Variants in NAV2 observed in about 807,000 individuals in gnomAD.
The protein encoded by NAV2 is neuron navigator 2.
In NAV2, 54 loss-of-function variants were observed where a neutral mutation model predicts 223.2. The observed-to-expected ratio is 0.24, with a 90% CI of 0.19 to 0.30. The LOEUF is 0.30. Ranked by LOEUF, NAV2 falls within the 10% of genes least tolerant of loss-of-function variation. The probability of loss-of-function intolerance (pLI) is 1.00; values close to 1 mark genes in which losing one functional copy is unlikely to be tolerated. For synonymous variants in NAV2, 1,279 were observed against 1,239.3 expected (o/e 1.03, Z -0.67); for missense variants, 2,806 against 3,147.5 (o/e 0.89, Z 2.60).
intron 1 of NAV2, among the ~76,000 whole-genome samples, chr11:19,391,893 G>A (rs902832238): frequency 6.6e-6 from 1 of 152,118 alleles, no homozygotes; most frequent in African/African-American, 2.4e-5. Flanking sequence ...AGCTCAACTC[G>A]CAGGGATTAA....
At chr11:20,026,801 G>C (rs939782383) in intron 11 of NAV2, among the ~76,000 whole-genome samples, 1 of 152,152 alleles carries the variant, frequency 6.6e-6, no homozygotes, top group Non-Finnish European at 1.5e-5. Context: ...TGTATGACCC[G>C]TGGGACTATT....
chr11:19,824,863 C>T (rs1369415702), intron 1 of NAV2, among the ~76,000 whole-genome samples: 2 of 152,162 alleles, frequency 1.3e-5, no homozygotes, highest in African/African-American at 4.8e-5. Context: ...AAATTGTGAA[C>T]AATTGAATAA....
intron 11 of NAV2, chr11:20,022,942 G>A (rs1490585911): frequency 1.5e-6 from 2 of 1,331,672 alleles, no homozygotes; most frequent in African/African-American, 1.5e-5. Flanking sequence ...TCCTGGCCTG[G>A]GGAATGGTGA....
chr11:19,601,556 C>G (rs2046350646), intron 1 of NAV2, among the ~76,000 whole-genome samples: 2 of 152,142 alleles, frequency 1.3e-5, no homozygotes, highest in South Asian at 4.1e-4. Context: ...TGGTCCCAGA[C>G]ATGGTACCCC....
chr11:20,097,248 G>A (rs1236658681), intron 30 of NAV2, among the ~76,000 whole-genome samples: 6 of 152,148 alleles, frequency 3.9e-5, no homozygotes, highest in Admixed American at 3.9e-4. Context: ...CACAGGCCCT[G>A]ATGTCTTCAA....
At chr11:19,732,325 T>A (rs961055709) in intron 1 of NAV2, among the ~76,000 whole-genome samples, 13 of 152,152 alleles carry the variant, frequency 8.5e-5, no homozygotes, top group African/African-American at 2.9e-4. Context: ...CCATCTCTAC[T>A]GTGTGACCTC....
At chr11:19,824,138 ACT>A (rs1202873955) in intron 1 of NAV2, among the ~76,000 whole-genome samples, 1 of 152,190 alleles carries the variant, frequency 6.6e-6, no homozygotes, top group Non-Finnish European at 1.5e-5. Context: ...TGTGCCAGAC[ACT>A]GTGTTAACCA....
intron 1 of NAV2, among the ~76,000 whole-genome samples, chr11:19,683,053 G>A (rs1051056681): frequency 5.9e-5 from 9 of 152,242 alleles, no homozygotes; most frequent in Non-Finnish European, 7.3e-5. Context: ...CTGGCTAGAA[G>A]TTAGAAGATC....
rs2045631222 is a variant in NAV2, at chr11:19,934,129, C to G, written c.1885C>G (p.Leu629Val). ...SEGKGPGGTT[L>V]NHSISSQTVS... ...AGGAAAAGGCCCAGGAGGGACCACC[C>G]TGAACCACAGCATCAGCAGCCAGAC... The change falls in exon 7 of 38, where the codon CTG becomes GTG. Residue 629 changes from leucine to valine, a missense_variant. Leu to Val is a conservative substitution (Grantham distance 32). Coordinates refer to ENST00000349880, the MANE Select transcript of NAV2 (RefSeq NM_145117.5). 2.5e-6 allele frequency: 4 copies of G among 1,614,048 alleles called. No individual in the cohort carries two copies. Among genetic ancestry groups the G allele is most frequent in the South Asian group, 1.1e-5 (1 of 91,074 alleles).
At chr11:19,771,172 A>T (rs2055689470) in intron 1 of NAV2, among the ~76,000 whole-genome samples, 2 of 152,170 alleles carry the variant, frequency 1.3e-5, no homozygotes, top group South Asian at 4.1e-4. Flanking sequence ...GATGAATAAG[A>T]TAGAGTATCT....
intron 1 of NAV2, among the ~76,000 whole-genome samples, chr11:19,389,502 C>A (rs1439011433): frequency 1.3e-5 from 2 of 152,166 alleles, no homozygotes; most frequent in African/African-American, 4.8e-5. Flanking sequence ...TCCCACTCAC[C>A]AGATTTGTGA....
At chr11:19,528,854 C>T (rs963541371) in intron 1 of NAV2, among the ~76,000 whole-genome samples, 8 of 145,072 alleles carry the variant, frequency 5.5e-5, no homozygotes, top group Non-Finnish European at 8.9e-5. Context: ...CACTTGAACT[C>T]GGGAGGTGGA....
intron 6 of NAV2, among the ~76,000 whole-genome samples, chr11:19,920,111 G>A (rs745922243): frequency 1.2e-4 from 18 of 152,088 alleles, no homozygotes; most frequent in Admixed American, 2.6e-4. Flanking sequence ...TCCATCCTGG[G>A]CAACAGAGCA....
intron 1 of NAV2, among the ~76,000 whole-genome samples, chr11:19,804,132 G>A (rs2058420705): frequency 6.6e-6 from 1 of 152,174 alleles, no homozygotes; most frequent in East Asian, 1.9e-4. Flanking sequence ...ATGTGTGTGT[G>A]TCCTTCAGGT....
In NAV2 at chr11:19,832,544, G is replaced by A. The variant is rs201839529; in HGVS notation, c.328G>A (p.Asp110Asn). The A allele has an allele frequency of 1.1e-5, 17 of 1,614,180 alleles. No individual in the cohort carries two copies. The highest frequency in any genetic ancestry group is 1.4e-5 in the Non-Finnish European group (16 of 1,180,038). Residue 110 changes from aspartate (D) to asparagine (N), a missense_variant, in exon 2 of 38, where the codon GAT (aspartate) becomes AAT (asparagine). Around this residue, in one of 4 missense-constraint regions of NAV2, gnomAD observed 1,167 missense variants for 1,180.5 expected, o/e 0.99. Transcript: ENST00000349880. The part of the protein sequence containing the change: ...AKSGHKRLIR[D>N]LQQDVTDGVL... ...ATCCGGCCACAAGCGTCTCATCAGG[G>A]ATCTCCAGCAAGATGTGACAGATGG...
intron 11 of NAV2, among the ~76,000 whole-genome samples, chr11:20,008,862 A>AT (rs973597216): frequency 7.2e-5 from 11 of 152,060 alleles, no homozygotes; most frequent in African/African-American, 2.7e-4. Flanking sequence ...TGCTGGAAAC[A>AT]TTTTTTATTA....
At chr11:19,636,219 G>A (rs921586921) in intron 1 of NAV2, among the ~76,000 whole-genome samples, 2 of 152,130 alleles carry the variant, frequency 1.3e-5, no homozygotes, top group African/African-American at 4.8e-5. Flanking sequence ...CTCCATATAT[G>A]TTTCTTATGC....
At chr11:19,557,367 G>A (rs779505258) in intron 1 of NAV2, among the ~76,000 whole-genome samples, 4 of 152,178 alleles carry the variant, frequency 2.6e-5, no homozygotes, top group Admixed American at 1.3e-4. Context: ...GGCAATCTAC[G>A]GCTTACGATG....
intron 1 of NAV2, among the ~76,000 whole-genome samples, chr11:19,635,772 A>G (rs1264831927): frequency 6.6e-6 from 1 of 152,176 alleles, no homozygotes; most frequent in African/African-American, 2.4e-5. Context: ...CGTGACCCAA[A>G]CACCTCCCAC....
Sources: gnomAD v4.1 joint callset for allele counts (sites outside exome capture counted in the v4.1 genomes callset) on GRCh38, gnomAD v4.1.1 for gene constraint, gnomAD v4.1.1 regional missense constraint, MANE v1.5 for transcripts, NCBI Gene and HGNC (gene_info 2026-07-23, HGNC 2026-07-21) for gene names.